Variants in CFAP276 observed in about 807,000 individuals in gnomAD.
The protein encoded by CFAP276 is cilia and flagella associated protein 276, also known as cilia- and flagella-associated protein 276.
the CFAP276 span, chr1:109,107,135 G>GT: frequency 6.2e-7 from 1 of 1,608,370 alleles, no homozygotes; most frequent in South Asian, 1.1e-5. Context: ...ACAGAAGTCA[G>GT]TCCCCCCCAA....
At chr1:109,113,147 TG>T in the CFAP276 span, among the ~76,000 whole-genome samples, 1 of 151,918 alleles carries the variant, frequency 6.6e-6, no homozygotes, top group Non-Finnish European at 1.5e-5. Context: ...CTCAGCACTT[TG>T]GGAAGCGGAG....
chr1:109,111,053 C>A, the CFAP276 span, among the ~76,000 whole-genome samples: 1 of 152,172 alleles, frequency 6.6e-6, no homozygotes, highest in Non-Finnish European at 1.5e-5. Context: ...ACTCTTCCTC[C>A]TGGAGATCAC....
the CFAP276 span, chr1:109,112,504 C>T: frequency 6.8e-7 from 1 of 1,481,264 alleles, no homozygotes; most frequent in Non-Finnish European, 9.0e-7. Flanking sequence ...AGTGTCTTCA[C>T]CAGAGTCCTT....
At chr1:109,108,406 G>A in the CFAP276 span, among the ~76,000 whole-genome samples, 13 of 152,136 alleles carry the variant, frequency 8.5e-5, no homozygotes, top group African/African-American at 2.9e-4. Context: ...GCCTCCCAAA[G>A]TGCTCAGATT....
the CFAP276 span, among the ~76,000 whole-genome samples, chr1:109,109,859 A>G: frequency 2.0e-5 from 3 of 152,110 alleles, no homozygotes; most frequent in East Asian, 5.8e-4. Context: ...TTAATTGAAC[A>G]GTGTGTATCA....
the CFAP276 span, chr1:109,112,618 C>T: frequency 6.4e-7 from 1 of 1,550,576 alleles, no homozygotes; most frequent in Non-Finnish European, 8.7e-7. Flanking sequence ...CCGCAGTTCT[C>T]CTAAGTAGGA....
chr1:109,113,457 AGAGAGAGAGAGG>A, the CFAP276 span, among the ~76,000 whole-genome samples: 7 of 136,604 alleles, frequency 5.1e-5, no homozygotes, highest in South Asian at 2.5e-4. Context: ...AGAGAGAGAG[AGAGAGAGAGAGG>A]CCCACGTGCG....
the CFAP276 span, chr1:109,106,198 C>T: frequency 9.8e-7 from 1 of 1,018,288 alleles, no homozygotes; most frequent in African/African-American, 1.6e-5. Flanking sequence ...TGTGGAGAAG[C>T]TTCTCATAAC....
At chr1:109,112,922 G>A in the CFAP276 span, among the ~76,000 whole-genome samples, 1 of 149,654 alleles carries the variant, frequency 6.7e-6, no homozygotes, top group Non-Finnish European at 1.5e-5. Flanking sequence ...GAGCGGGCCC[G>A]AGACTTGGAA....
chr1:109,113,447 A>G, the CFAP276 span, among the ~76,000 whole-genome samples: 559 of 114,826 alleles, frequency 4.9e-3, 66 homozygotes, highest in African/African-American at 0.019. Flanking sequence ...AGAGAGAGAG[A>G]GAGAGAGAGA....
At chr1:109,110,896 C>T in the CFAP276 span, among the ~76,000 whole-genome samples, 28 of 152,174 alleles carry the variant, frequency 1.8e-4, no homozygotes, top group African/African-American at 6.3e-4. Context: ...AGAATTAAAC[C>T]GTTAGGAACC....
At chr1:109,106,475 G>C in the CFAP276 span, 5 of 1,574,170 alleles carry the variant, frequency 3.2e-6, no homozygotes, top group Non-Finnish European at 4.3e-6. Flanking sequence ...CTGATTCATG[G>C]GTCCATTTAG....
At chr1:109,107,141 C>G in the CFAP276 span, 103 of 1,601,936 alleles carry the variant, frequency 6.4e-5, no homozygotes, top group South Asian at 8.8e-5. Flanking sequence ...GTCAGTCCCC[C>G]CCAAGGTTAG....
chr1:109,105,966 T>A, the CFAP276 span: 1 of 1,290,324 alleles, frequency 7.7e-7, no homozygotes, highest in Non-Finnish European at 1.1e-6. Context: ...CTTGCACAAA[T>A]CTATTTAATG....
At chr1:109,110,235 G>A in the CFAP276 span, among the ~76,000 whole-genome samples, 1 of 152,082 alleles carries the variant, frequency 6.6e-6, no homozygotes, top group Non-Finnish European at 1.5e-5. Flanking sequence ...TCATTTCTTT[G>A]TCGTGGTCTA....
chr1:109,108,020 G>GTTTTTTTTTTTTTTTTTTTTTTTTT, the CFAP276 span: 1 of 1,605,186 alleles, frequency 6.2e-7, no homozygotes, highest in Non-Finnish European at 8.5e-7. Context: ...GGTGTGTTGG[G>GTTTTTTTTTTTTTTTTTTTTTTTTT]TTCTTATATG....
the CFAP276 span, chr1:109,112,578 C>T: frequency 6.5e-7 from 1 of 1,549,936 alleles, no homozygotes; most frequent in Non-Finnish European, 8.7e-7. Flanking sequence ...TACTGGGAAT[C>T]TGCGCAAGAA....
the CFAP276 span, chr1:109,112,694 C>G: frequency 1.9e-6 from 3 of 1,549,678 alleles, no homozygotes; most frequent in East Asian, 4.9e-5. Context: ...AAATGCCTAA[C>G]TCTTTTAAGA....
the CFAP276 span, among the ~76,000 whole-genome samples, chr1:109,109,077 T>C: frequency 6.6e-6 from 1 of 152,140 alleles, no homozygotes; most frequent in African/African-American, 2.4e-5. Flanking sequence ...CCTAGCACAC[T>C]ACCTAACACA....
Sources: gnomAD v4.1 joint callset for allele counts (sites outside exome capture counted in the v4.1 genomes callset) on GRCh38, gnomAD v4.1.1 for gene constraint, MANE v1.5 for transcripts, NCBI Gene and HGNC (gene_info 2026-07-23, HGNC 2026-07-21) for gene names.